The following FAM83F variants were observed in gnomAD, a reference collection of about 807,000 sequenced individuals.
The protein encoded by FAM83F is scaffolding CK1 anchoring protein F.
Under a neutral mutation model 42.9 loss-of-function variants are expected in FAM83F, and 45 were observed. The ratio of observed to expected loss-of-function variants is 1.05; its 90% CI spans 0.83 to 1.35. The LOEUF (loss-of-function observed/expected upper bound fraction) is 1.35, where lower values mean the gene tolerates loss of function less well. Ranked by LOEUF, FAM83F falls within the 40% of genes most tolerant of loss-of-function variation. The pLI, the probability that FAM83F is intolerant of heterozygous loss-of-function variation, is 0.00. For synonymous variants in FAM83F, 306 were observed against 298.3 expected (o/e 1.03, Z -0.27); for missense variants, 617 against 695.9 (o/e 0.89, Z 1.28).
chr22:40,030,170 G>C lies in FAM83F; in HGVS notation c.*605G>C, dbSNP rs1231215672. On this transcript the variant is annotated 3_prime_UTR_variant, in exon 5 of 5. Coordinates refer to ENST00000333407, the MANE Select transcript of FAM83F (RefSeq NM_138435.4). ...GGCTCCTGAACTAGACTTGAATGAG[G>C]GTAAGATCCTGCGGCCTCCCGCAGT... 1 of 152,596 alleles carries C rather than the reference G, an allele frequency of 6.6e-6. No individual in the cohort carries two copies. Among genetic ancestry groups the C allele is most frequent in the East Asian group, 1.9e-4 (1 of 5,170 alleles). The allele number at this position is 152,596 out of a possible 1,614,324, so 9.5% of individuals were successfully genotyped here.
At chr22:40,024,473 C>A (rs2067539758) in intron 4 of FAM83F, among the ~76,000 whole-genome samples, 1 of 152,236 alleles carries the variant, frequency 6.6e-6, no homozygotes, top group African/African-American at 2.4e-5. Context: ...CAGTGAGAAC[C>A]TGAGCTCCTG....
intron 1 of FAM83F, among the ~76,000 whole-genome samples, chr22:39,997,736 G>A (rs186944625): frequency 3.5e-4 from 54 of 152,332 alleles, no homozygotes; most frequent in African/African-American, 1.2e-3. Flanking sequence ...TGTCGTGGGG[G>A]GAGGTGAGTA....
In FAM83F at chr22:39,995,010, CG is replaced by C. The variant is rs888508173; in HGVS notation, c.-29del. ...GTGGGACCTCGGACCGCGGCGGGGC[CG>C]GGGCCAGGGCCGGGGCCGGGGCCGG... On this transcript the variant is annotated 5_prime_UTR_variant, in exon 1 of 5. Transcript: ENST00000333407. The surrounding 1 kb of genome is among the most constrained non-coding windows in gnomAD (Gnocchi z 4.6). The C allele has an allele frequency of 7.8e-5, 97 of 1,240,794 alleles. No homozygotes were observed. The African/African-American group carries it at 8.9e-4, about 11-fold the overall frequency. 76.9% of individuals were successfully genotyped at this position (1,240,794 alleles called of 1,614,324 possible).
At chr22:40,018,423 G>T (rs1422519128) in intron 1 of FAM83F, among the ~76,000 whole-genome samples, 2 of 152,048 alleles carry the variant, frequency 1.3e-5, no homozygotes, top group Non-Finnish European at 2.9e-5. Flanking sequence ...GATCTCCCAT[G>T]ATATGGCTTC....
In FAM83F at chr22:40,014,131, C is replaced by CTTT. The variant is rs57224519; in HGVS notation, c.490-5022_490-5020dup. On this transcript the variant is annotated intron_variant, in intron 1 of 4. Transcript: ENST00000333407. ...AATCCTTATGTCTCTTATTTCTTTTCTTTTTTTTTTTTTTTTTGTCTTATT... is the reference window on the plus strand; with the variant it reads ...AATCCTTATGTCTCTTATTTCTTTTCTTTTTTTTTTTTTTTTTTTTGTCTTATT... 8.9e-3 allele frequency among the ~76,000 whole-genome samples: 1,037 copies of CTTT among 116,752 alleles called. 23 individuals are homozygous for CTTT. Among genetic ancestry groups the CTTT allele is most frequent in the African/African-American group, 0.014 (420 of 29,940 alleles). The allele number at this position is 116,752 out of a possible 152,430, so 76.6% of individuals were successfully genotyped here. A position where few individuals can be genotyped will look rare whatever the true frequency, so the allele number is the denominator to read the frequency against.
At position 39,995,255 on chromosome 22, in the gene FAM83F, G is replaced by A. The variant is rs1210059683; in HGVS notation, c.213G>A (p.Trp71Ter). Residue 71 changes from tryptophan to a stop codon, truncating the protein, a stop_gained, in exon 1 of 5, where the codon TGG (tryptophan) becomes TGA (stop). Transcript: ENST00000333407. LOFTEE classifies it high-confidence loss of function. This position sits in a 1 kb window ranked among gnomAD's most constrained non-coding sequence, Gnocchi z 4.6. ...AGCGCCAGGCCCTGCGGGCCGCCTG[G>A]AGCCCCTACGAGGACGCCGTCCCCG... ...SPERQALRAA[W>*]SPYEDAVPAA... 6.5e-7 allele frequency: 1 copy of A among 1,535,174 alleles called. No homozygotes were observed. Among genetic ancestry groups the A allele is most frequent in the East Asian group, 2.4e-5 (1 of 40,860 alleles).
Position 40,034,000 on chromosome 22 carries a change from T to TA in FAM83F, c.*4436dup, listed in dbSNP as rs1456033434. 1 of 152,424 alleles carries TA rather than the reference T, an allele frequency of 6.6e-6. No homozygotes were observed. The allele number at this position is 152,424 out of a possible 1,614,324, so 9.4% of individuals were successfully genotyped here. A position where few individuals can be genotyped will look rare whatever the true frequency, so the allele number is the denominator to read the frequency against. ...CTGTCCCTCTTCCTTCAGGCTCAGC[T>TA]ACGTCCTGCACAGACAGTACCACTG... On this transcript the variant is annotated 3_prime_UTR_variant, in exon 5 of 5. Transcript: ENST00000333407.
At position 40,037,841 on chromosome 22, in the gene FAM83F, C is replaced by T. The variant is rs1360373657; in HGVS notation, c.*8276C>T. 6.6e-6 allele frequency: 1 copy of T among 152,148 alleles called. No individual in the cohort carries two copies. Among genetic ancestry groups the T allele is most frequent in the African/African-American group, 2.4e-5 (1 of 41,378 alleles). 9.4% of individuals were successfully genotyped at this position (152,148 alleles called of 1,614,324 possible). A position where few individuals can be genotyped will look rare whatever the true frequency, so the allele number is the denominator to read the frequency against. On this transcript the variant is annotated 3_prime_UTR_variant, in exon 5 of 5. Coordinates refer to ENST00000333407, the MANE Select transcript of FAM83F (RefSeq NM_138435.4). ...CAGGTGATCCTCCCGCCTCAGCCTC[C>T]CAAGTAGCTGGGACTACAGGCATGC...
Position 40,021,446 on chromosome 22 carries a change from C to G in FAM83F, c.936C>G (p.Leu312=). 6.2e-7 allele frequency: 1 copy of G among 1,612,748 alleles called. No individual in the cohort carries two copies. Among genetic ancestry groups the G allele is most frequent in the Non-Finnish European group, 8.5e-7 (1 of 1,179,132 alleles). The part of the protein sequence containing the change: ...RQLSLAGRVG[L]HYSSTVARKL... ...TGAGCCTGGCGGGCAGGGTTGGCCT[C>G]CATTACTCCTCCACTGTGGCTCGAA... The change falls in exon 4 of 5, where the codon CTC becomes CTG. Residue 312 remains leucine (L), a synonymous_variant. Coordinates refer to ENST00000333407, the MANE Select transcript of FAM83F (RefSeq NM_138435.4). The surrounding 1 kb of genome is among the most constrained non-coding windows in gnomAD (Gnocchi z 8.7).
intron 1 of FAM83F, among the ~76,000 whole-genome samples, chr22:40,007,216 C>A (rs1407698799): frequency 7.0e-6 from 1 of 142,526 alleles, no homozygotes; most frequent in Non-Finnish European, 1.5e-5. Flanking sequence ...AGCTGTGCAG[C>A]CTCCTCTCCT....
At chr22:40,018,915 G>A (rs879590638) in intron 1 of FAM83F, among the ~76,000 whole-genome samples, 9 of 152,154 alleles carry the variant, frequency 5.9e-5, no homozygotes, top group Middle Eastern at 3.2e-3. Flanking sequence ...AGAGCTGCTG[G>A]AAGACCCCCA....
At chr22:39,998,793 G>C (rs2958663) in intron 1 of FAM83F, 89,952 of 151,998 alleles carry the variant, frequency 0.59, 28,048 homozygotes, top group African/African-American at 0.77. Context: ...ACTTAAATTA[G>C]AGGCAGAAAG....
At position 40,004,300 on chromosome 22, in the gene FAM83F, T is replaced by G. The variant is rs534336922; in HGVS notation, c.489+8769T>G. On this transcript the variant is annotated intron_variant, in intron 1 of 4. Coordinates refer to ENST00000333407, the MANE Select transcript of FAM83F (RefSeq NM_138435.4). Reference sequence around the variant, plus strand: ...TTTATTTTATTTTATTTTATTTTATTTTATTTTATTTTATTTTCTGAGAGG... The same window carrying G: ...TTTATTTTATTTTATTTTATTTTATGTTATTTTATTTTATTTTCTGAGAGG... Among the ~76,000 whole-genome samples, 507 of 150,836 alleles carry G rather than the reference T, an allele frequency of 3.4e-3. 1 individual carries two copies. The highest frequency in any genetic ancestry group is 6.2e-3 in the Non-Finnish European group (420 of 67,802).
At chr22:40,008,033 A>G (rs1270521010) in intron 1 of FAM83F, among the ~76,000 whole-genome samples, 1 of 152,224 alleles carries the variant, frequency 6.6e-6, no homozygotes, top group Non-Finnish European at 1.5e-5. Flanking sequence ...GTGCATTGCG[A>G]CATTCAGCAT....
rs141936639 is a variant in FAM83F, at chr22:40,032,771, A to C, written c.*3206A>C. 6.6e-6 allele frequency: 1 copy of C among 151,954 alleles called. No homozygotes were observed. Among genetic ancestry groups the C allele is most frequent in the Admixed American group, 6.6e-5 (1 of 15,260 alleles). 9.4% of individuals were successfully genotyped at this position (151,954 alleles called of 1,614,324 possible). On this transcript the variant is annotated 3_prime_UTR_variant, in exon 5 of 5. Coordinates refer to ENST00000333407, the MANE Select transcript of FAM83F (RefSeq NM_138435.4). ...TTTTTATTAGAGACAGGGTTTCACC[A>C]TGTTAGCCAGGTTGGTCTTGATCTC... is the stretch of plus-strand genomic sequence containing the variant.
rs889013301 is a variant in FAM83F, at chr22:40,036,504, A to T, written c.*6939A>T. ...TTTCTGGATTGATAGTTTGTGGTGA[A>T]ATAAACAATTTTAGTTTGTTTGGAG... On this transcript the variant is annotated 3_prime_UTR_variant, in exon 5 of 5. Coordinates refer to ENST00000333407, the MANE Select transcript of FAM83F (RefSeq NM_138435.4). 3 of 152,248 alleles carry T rather than the reference A, an allele frequency of 2.0e-5. No homozygotes were observed. The highest frequency in any genetic ancestry group is 4.8e-5 in the African/African-American group (2 of 41,472). The allele number at this position is 152,248 out of a possible 1,614,324, so 9.4% of individuals were successfully genotyped here.
intron 1 of FAM83F, among the ~76,000 whole-genome samples, chr22:39,998,128 T>C (rs545670510): frequency 1.3e-5 from 2 of 152,214 alleles, no homozygotes; most frequent in South Asian, 4.2e-4. Context: ...CAGCCTTCCC[T>C]GGCCATTAAC....
chr22:40,021,734 CAG>C lies in FAM83F; in HGVS notation c.1228_1229del (p.Asp410ProfsTer56). On this transcript the variant is annotated frameshift_variant, in exon 4 of 5. Transcript: ENST00000333407. LOFTEE classifies it high-confidence loss of function. The surrounding 1 kb of genome is among the most constrained non-coding windows in gnomAD (Gnocchi z 8.7). ...ATGGCAGGATGGTCTCTCACATGCA[CAG>C]AGACCTGAAGCCCAAATCCCGAGAG... ...KDGRMVSHMH[R>X]DLKPKSREAP... The C allele has an allele frequency of 6.2e-7, 1 of 1,613,014 alleles. No homozygotes were observed. Among genetic ancestry groups the C allele is most frequent in the South Asian group, 1.1e-5 (1 of 91,070 alleles).
In FAM83F at chr22:40,029,761, C is replaced by CA. The variant is rs201827841; in HGVS notation, c.*196_*197insA. On this transcript the variant is annotated 3_prime_UTR_variant, in exon 5 of 5. Transcript: ENST00000333407. ...GAAGCATCTCAGTCACACGCCTCCA[C>CA]CGGACTGTCGGTGGCTGGGCAGGGG... is the stretch of plus-strand genomic sequence containing the variant. The CA allele has an allele frequency of 2.6e-3, 1,971 of 752,518 alleles. 46 individuals carry two copies. In the East Asian group the frequency reaches 0.045, roughly 17 times the overall value. 46.6% of individuals were successfully genotyped at this position (752,518 alleles called of 1,614,324 possible).
Sources: gnomAD v4.1 joint callset for allele counts (sites outside exome capture counted in the v4.1 genomes callset) on GRCh38, gnomAD v4.1.1 for gene constraint, Gnocchi (gnomAD v3.1) non-coding constraint, MANE v1.5 for transcripts, NCBI Gene and HGNC (gene_info 2026-07-23, HGNC 2026-07-21) for gene names.